Variants in HEMK1 observed in about 807,000 individuals in gnomAD.
HEMK1 encodes MTRF1L release factor glutamine methyltransferase.
In HEMK1, 36 loss-of-function variants were observed where a neutral mutation model predicts 47.9. The ratio of observed to expected loss-of-function variants is 0.75; its 90% CI spans 0.58 to 0.99. HEMK1 has a LOEUF of 0.99. HEMK1 is among the 50% of genes least tolerant of loss of function. The pLI is 0.00. For missense variants in HEMK1, 383 were observed against 434.5 expected, an observed-to-expected ratio of 0.88 and a Z score of 1.05; for synonymous variants, 153 against 165.4, an observed-to-expected ratio of 0.93 and a Z score of 0.57.
At position 50,581,794 on chromosome 3, in the gene HEMK1, G is replaced by T. The variant is rs1162482643; in HGVS notation, c.*1377G>T. 1 of 152,228 alleles carries T rather than the reference G, an allele frequency of 6.6e-6. No individual in the cohort carries two copies. Among genetic ancestry groups the T allele is most frequent in the African/African-American group, 2.4e-5 (1 of 41,432 alleles). 9.4% of individuals were successfully genotyped at this position (152,228 alleles called of 1,614,324 possible). On this transcript the variant is annotated 3_prime_UTR_variant, in exon 11 of 11. Transcript: ENST00000232854. ...AGCCTAAGTGTTGCCCTGCACTATG[G>T]CTGGAGGACACATTTGGTAGAGGTC...
chr3:50,572,250 G>A, intron 4 of HEMK1, 42 bp downstream of exon 4: 1 of 1,568,474 alleles, frequency 6.4e-7, no homozygotes, highest in Non-Finnish European at 8.7e-7. Context: ...GGATGATGGT[G>A]GAGTTCAGGG....
At chr3:50,579,635 G>A (rs1477411488) in intron 8 of HEMK1, among the ~76,000 whole-genome samples, 1 of 152,188 alleles carries the variant, frequency 6.6e-6, no homozygotes, top group Non-Finnish European at 1.5e-5. Flanking sequence ...AAGCATGCCT[G>A]GCGCTGCCTG....
At chr3:50,572,464 G>A (rs1701111874) in intron 4 of HEMK1, among the ~76,000 whole-genome samples, 1 of 152,240 alleles carries the variant, frequency 6.6e-6, no homozygotes, top group Non-Finnish European at 1.5e-5. Context: ...GCCTCAAATA[G>A]TGCTGCCCAA....
chr3:50,577,397 G>T, intron 5 of HEMK1, 112 bp from the exon 6 acceptor site: 1 of 1,210,470 alleles, frequency 8.3e-7, no homozygotes. Context: ...AAGGCTGTTG[G>T]GTATTTCCCT....
At chr3:50,574,618 C>T (rs1222492601) in intron 4 of HEMK1, among the ~76,000 whole-genome samples, 1 of 152,150 alleles carries the variant, frequency 6.6e-6, no homozygotes, top group East Asian at 1.9e-4. Flanking sequence ...CAACTGGTCA[C>T]CCTACCAACC....
chr3:50,571,690 T>G lies in HEMK1; in HGVS notation c.229-20T>G. 6.2e-7 allele frequency: 1 copy of G among 1,613,078 alleles called. No individual in the cohort carries two copies. Among genetic ancestry groups the G allele is most frequent in the Non-Finnish European group, 8.5e-7 (1 of 1,179,030 alleles). On this transcript the variant is annotated intron_variant, in intron 2 of 10. Transcript: ENST00000232854. ...CCTTGGGCCCAGTGAGCCAGCCACT[T>G]ATATTCTCTGTGGGGACAGTTTCAG... is the stretch of plus-strand genomic sequence containing the variant.
chr3:50,580,446 T>G lies in HEMK1; in HGVS notation c.*29T>G. 6.2e-7 allele frequency: 1 copy of G among 1,613,084 alleles called. No homozygotes were observed. Among genetic ancestry groups the G allele is most frequent in the Non-Finnish European group, 8.5e-7 (1 of 1,179,162 alleles). ...GGCTGCCCTGTGGATGCCTTGTCAG[T>G]GCCGCCAGCCTGACCAGAGGGGAGG... On this transcript the variant is annotated 3_prime_UTR_variant, in exon 11 of 11. Transcript: ENST00000232854.
In HEMK1 at chr3:50,571,124, T is replaced by A; in HGVS notation, c.20T>A (p.Met7Lys). The A allele has an allele frequency of 6.3e-7, 1 of 1,598,520 alleles. No homozygotes were observed. Among genetic ancestry groups the A allele is most frequent in the Non-Finnish European group, 8.5e-7 (1 of 1,172,998 alleles). ...TGAGACATGGAGCTTTGGGGCCGAA[T>A]GCTGTGGGCCCTCCTGTCTGGCCCA... MELWGR[M>K]LWALLSGPGR... Residue 7 changes from methionine (M) to lysine (K), a missense_variant, in exon 2 of 11, where the codon ATG becomes AAG. Met to Lys is a moderately conservative substitution (Grantham distance 95, BLOSUM62 -1). Transcript: ENST00000232854.
rs1353763278 is a variant in HEMK1 at position 50,586,298 on chromosome 3, C to T, written c.*5881C>T. ...ACTACCTCTCACACATACAGCAGTCCTGCAGGAAAATGGTCAGGAAAGGCT... is the reference window on the plus strand; with the variant it reads ...ACTACCTCTCACACATACAGCAGTCTTGCAGGAAAATGGTCAGGAAAGGCT... On this transcript the variant is annotated 3_prime_UTR_variant, in exon 11 of 11. Transcript: ENST00000232854. The T allele has an allele frequency of 1.3e-5, 2 of 152,270 alleles. No homozygotes were observed. Among genetic ancestry groups the T allele is most frequent in the Non-Finnish European group, 2.9e-5 (2 of 68,054 alleles). The allele number at this position is 152,270 out of a possible 1,614,324, so 9.4% of individuals were successfully genotyped here.
At chr3:50,574,009 C>T (rs1701300063) in intron 4 of HEMK1, among the ~76,000 whole-genome samples, 1 of 152,176 alleles carries the variant, frequency 6.6e-6, no homozygotes, top group Non-Finnish European at 1.5e-5. Context: ...TGGGTCTGCC[C>T]CACCAGGGAT....
rs1198751147 is a variant in HEMK1 at position 50,591,698 on chromosome 3, T to TG, written c.*11281_*11282insG. ...TGTGTGTGTGTGTGTGTGTGTGTGT[T>TG]TGTGTGTGTGTGGTGTTACTCTGCC... On this transcript the variant is annotated 3_prime_UTR_variant, in exon 11 of 11. Transcript: ENST00000232854. 13 of 74,780 alleles carry TG rather than the reference T, an allele frequency of 1.7e-4. No individual in the cohort carries two copies. Among genetic ancestry groups the TG allele is most frequent in the African/African-American group, 4.2e-4 (8 of 18,902 alleles). The allele number at this position is 74,780 out of a possible 1,614,324, so 4.6% of individuals were successfully genotyped here. A position where few individuals can be genotyped will look rare whatever the true frequency, so the allele number is the denominator to read the frequency against.
intron 7 of HEMK1, 29 bp from the exon 8 acceptor site, chr3:50,578,792 C>T (rs1309744740): frequency 1.3e-6 from 2 of 1,495,942 alleles, no homozygotes; most frequent in Admixed American, 3.5e-5. Flanking sequence ...GGGTTAGTCC[C>T]TACTGTGTGT....
Position 50,580,750 on chromosome 3 carries a change from G to T in HEMK1, c.*333G>T, listed in dbSNP as rs552870159. The stretch of plus-strand genomic sequence containing the variant: ...ACTCCCAGGTAGCACTGGGGCAAGG[G>T]TTTCCTTCTGCCCCAGCAGGGCTGG... On this transcript the variant is annotated 3_prime_UTR_variant, in exon 11 of 11. Transcript: ENST00000232854. 237 of 381,754 alleles carry T rather than the reference G, an allele frequency of 6.2e-4. 1 individual carries two copies. The highest frequency in any genetic ancestry group is 5.4e-3 in the South Asian group (183 of 33,940). 23.6% of individuals were successfully genotyped at this position (381,754 alleles called of 1,614,324 possible). A position where few individuals can be genotyped will look rare whatever the true frequency, so the allele number is the denominator to read the frequency against.
At position 50,578,830 on chromosome 3, in the gene HEMK1, G is replaced by A. The variant is rs556334500; in HGVS notation, c.674G>A (p.Trp225Ter). Residue 225 changes from tryptophan to a stop codon, truncating the protein, a stop_gained, in exon 8 of 11, where the codon TGG becomes TAG. Transcript: ENST00000232854. LOFTEE classifies it high-confidence loss of function. ...TCTTCTTTGACGACAGAAAGGAGCTGGACACACCTGCCCTGGGGCCCCATG... is the reference window on the plus strand; with the variant it reads ...TCTTCTTTGACGACAGAAAGGAGCTAGACACACCTGCCCTGGGGCCCCATG... ...IHLDMTSERSWTHLPWGPMDL... is the reference protein window; with the variant it reads ...IHLDMTSERS 1 of 1,611,896 alleles carries A rather than the reference G, an allele frequency of 6.2e-7. No homozygotes were observed. The highest frequency in any genetic ancestry group is 2.2e-5 in the East Asian group (1 of 44,852).
In HEMK1 at chr3:50,589,287, A is replaced by G. The variant is rs2031584735; in HGVS notation, c.*8870A>G. ...TGAAGCCCACCTTGCAGTCTCTTTG[A>G]TTGACAGGGACAGCAAGAGAAGCCT... On this transcript the variant is annotated 3_prime_UTR_variant, in exon 11 of 11. Coordinates refer to ENST00000232854, the MANE Select transcript of HEMK1 (RefSeq NM_016173.5). The G allele has an allele frequency of 6.6e-6, 1 of 152,220 alleles. No homozygotes were observed. Among genetic ancestry groups the G allele is most frequent in the Non-Finnish European group, 1.5e-5 (1 of 68,050 alleles). The allele number at this position is 152,220 out of a possible 1,614,324, so 9.4% of individuals were successfully genotyped here.
At position 50,571,036 on chromosome 3, in the gene HEMK1, C is replaced by T. The variant is rs745999257; in HGVS notation, c.-69C>T. On this transcript the variant is annotated 5_prime_UTR_variant, in exon 2 of 11. Coordinates refer to ENST00000232854, the MANE Select transcript of HEMK1 (RefSeq NM_016173.5). ...GTCCAGGGGCCACTCTCAGCACTCA[C>T]CTCAGCAGCTGACATCATAAAGCAG... 97 of 1,269,142 alleles carry T rather than the reference C, an allele frequency of 7.6e-5. No individual in the cohort carries two copies. Among genetic ancestry groups the T allele is most frequent in the Middle Eastern group, 5.6e-4 (2 of 3,576 alleles). The allele number at this position is 1,269,142 out of a possible 1,614,324, so 78.6% of individuals were successfully genotyped here.
At chr3:50,570,313 C>T (rs1238616802) in intron 1 of HEMK1, 1 of 152,208 alleles carries the variant, frequency 6.6e-6, no homozygotes, top group Non-Finnish European at 1.5e-5. Context: ...TTGCTTGTGA[C>T]CTCTTTAAAT....
rs1205079265 is a variant in HEMK1, at chr3:50,571,809, C to A, written c.320+8C>A. ...TAGCCGTCGATTGCAGAGGTGAGCA[C>A]CCATGGATCAGACCTGAAGGATGTG... On this transcript the variant is annotated splice_region_variant and intron_variant, in intron 3 of 10. Coordinates refer to ENST00000232854, the MANE Select transcript of HEMK1 (RefSeq NM_016173.5). 4 of 1,612,384 alleles carry A rather than the reference C, an allele frequency of 2.5e-6. No individual in the cohort carries two copies. In the South Asian group the frequency reaches 4.4e-5, roughly 18 times the overall value.
Position 50,571,257 on chromosome 3 carries a change from C to G in HEMK1, c.153C>G (p.Val51=). 2 of 1,613,338 alleles carry G rather than the reference C, an allele frequency of 1.2e-6. No homozygotes were observed. Among genetic ancestry groups the G allele is most frequent in the African/African-American group, 1.3e-5 (1 of 75,014 alleles). The change falls in exon 2 of 11, where the codon GTC becomes GTG. Residue 51 remains valine (V), a synonymous_variant. Transcript: ENST00000232854. ...AIELVSHWTG[V]FEKRGIPEAR... ...AACTGGTCAGCCACTGGACTGGGGT[C>G]TTTGAGAAGAGGGGTATCCCTGAGG... is the stretch of plus-strand genomic sequence containing the variant.
Sources: gnomAD v4.1 joint callset for allele counts (sites outside exome capture counted in the v4.1 genomes callset) on GRCh38, gnomAD v4.1.1 for gene constraint, MANE v1.5 for transcripts, NCBI Gene and HGNC (gene_info 2026-07-23, HGNC 2026-07-21) for gene names.